The following LRIG2 variants were observed in gnomAD, a reference collection of about 807,000 sequenced individuals.
LRIG2 encodes leucine-rich repeats and immunoglobulin-like domains protein 2.
In LRIG2, 93 loss-of-function variants were observed where a neutral mutation model predicts 107.8. That is an observed-to-expected ratio of 0.86 (90% confidence interval 0.73 to 1.03). The LOEUF (loss-of-function observed/expected upper bound fraction) is 1.03, where lower values mean the gene tolerates loss of function less well. LRIG2 is among the 50% of genes least tolerant of loss of function. The pLI is 0.00. For synonymous variants in LRIG2, 471 were observed against 470.6 expected (o/e 1.00, Z -0.01); for missense variants, 1,226 against 1,296.0 (o/e 0.95, Z 0.83).
chr1:113,122,651 G>A (rs1655313939), intron 17 of LRIG2, among the ~76,000 whole-genome samples: 2 of 152,280 alleles, frequency 1.3e-5, no homozygotes, highest in Non-Finnish European at 2.9e-5. Context: ...CAGCAAATGA[G>A]AGTGCTTCGG....
At position 113,091,338 on chromosome 1, in the gene LRIG2, T is replaced by A; in HGVS notation, c.260T>A (p.Leu87Ter). The A allele has an allele frequency of 6.2e-7, 1 of 1,606,636 alleles. No homozygotes were observed. The highest frequency in any genetic ancestry group is 8.5e-7 in the Non-Finnish European group (1 of 1,175,388). The change falls in exon 2 of 18, where the codon TTG becomes TAG. Residue 87 changes from leucine (L) to a stop codon, truncating the protein, a stop_gained. Transcript: ENST00000361127. LOFTEE classifies it high-confidence loss of function. ...TTCAGGGATTTCAGTCATAATCGGT[T>A]GTCTAACTGGAACATCAGCTTGGAA... ...TAILDFSHNR[L>*]SNWNISLESQ...
intron 1 of LRIG2, among the ~76,000 whole-genome samples, chr1:113,077,328 GA>G (rs1404838123): frequency 1.3e-5 from 2 of 152,144 alleles, no homozygotes; most frequent in African/African-American, 4.8e-5. Flanking sequence ...TTTTAGTAGA[GA>G]AGGGGTTTTG....
Position 113,124,392 on chromosome 1 carries a change from C to A in LRIG2, c.*291C>A. On this transcript the variant is annotated 3_prime_UTR_variant, in exon 18 of 18. Transcript: ENST00000361127. The stretch of plus-strand genomic sequence containing the variant: ...CATGGGGATGTGCCCTGGTGTGCAT[C>A]TGCTTGTCAGGAAGAGTCACATTGC... The A allele has an allele frequency of 4.5e-6, 2 of 445,266 alleles. No individual in the cohort carries two copies. Among genetic ancestry groups the A allele is most frequent in the Non-Finnish European group, 4.1e-6 (1 of 242,720 alleles). 27.6% of individuals were successfully genotyped at this position (445,266 alleles called of 1,614,324 possible).
At position 113,094,718 on chromosome 1, in the gene LRIG2, G is replaced by A. The variant is rs1449663224; in HGVS notation, c.766G>A (p.Asp256Asn). The change falls in exon 6 of 18, where the codon GAT becomes AAT. Residue 256 changes from aspartate to asparagine, a missense_variant. Physicochemically the swap from Asp to Asn is conservative, Grantham distance 23. Coordinates refer to ENST00000361127, the MANE Select transcript of LRIG2 (RefSeq NM_014813.3). Reference protein sequence around the residue: ...MQRNGISKLKDGAFFGLNNME... With the variant: ...MQRNGISKLKNGAFFGLNNME... ...GCGGAATGGAATTAGCAAACTTAAGGATGGAGCATTTTTTGGCTTGAATAA... is the reference window on the plus strand; with the variant it reads ...GCGGAATGGAATTAGCAAACTTAAGAATGGAGCATTTTTTGGCTTGAATAA... The A allele has an allele frequency of 6.2e-7, 1 of 1,613,936 alleles. No individual in the cohort carries two copies. Among genetic ancestry groups the A allele is most frequent in the Admixed American group, 1.7e-5 (1 of 60,016 alleles).
intron 2 of LRIG2, among the ~76,000 whole-genome samples, chr1:113,092,955 C>T (rs1034805677): frequency 6.6e-6 from 1 of 151,192 alleles, no homozygotes; most frequent in Non-Finnish European, 1.5e-5. Context: ...CACCATTGCA[C>T]TCCAGCCTGG....
chr1:113,111,305 G>A (rs570748666), intron 13 of LRIG2, among the ~76,000 whole-genome samples: 55 of 152,302 alleles, frequency 3.6e-4, no homozygotes, highest in African/African-American at 1.3e-3. Flanking sequence ...CAAAGTATTC[G>A]GATTACAGGC....
At chr1:113,082,140 A>G (rs941694728) in intron 1 of LRIG2, among the ~76,000 whole-genome samples, 2 of 152,226 alleles carry the variant, frequency 1.3e-5, no homozygotes, top group Non-Finnish European at 2.9e-5. Flanking sequence ...TTCAAAGCAT[A>G]TACGATGCTT....
At chr1:113,112,356 C>A in intron 13 of LRIG2, 123 bp from the exon 14 acceptor site, 2 of 857,264 alleles carry the variant, frequency 2.3e-6, no homozygotes, top group South Asian at 1.8e-5. Flanking sequence ...GAGAGCCTGT[C>A]TTCACAAAGA....
At chr1:113,119,855 G>C (rs1473992801) in intron 17 of LRIG2, among the ~76,000 whole-genome samples, 1 of 152,096 alleles carries the variant, frequency 6.6e-6, no homozygotes, top group East Asian at 1.9e-4. Context: ...TGTCATCCAG[G>C]TTGGAATGTA....
chr1:113,094,302 T>C (rs1216802), intron 4 of LRIG2, 37 bp from the exon 5 acceptor site: 1,470,104 of 1,529,664 alleles, frequency 0.96, 712,525 homozygotes, highest in South Asian at 0.98. Flanking sequence ...TTTATTTTAC[T>C]AAATTTTTTC....
chr1:113,119,121 A>T, intron 16 of LRIG2, 112 bp from the exon 17 acceptor site: 1 of 923,578 alleles, frequency 1.1e-6, no homozygotes, highest in Non-Finnish European at 1.7e-6. Flanking sequence ...TTTATAAAGT[A>T]AGTGCTCAAT....
chr1:113,079,145 G>C (rs1653133462), intron 1 of LRIG2, among the ~76,000 whole-genome samples: 1 of 151,778 alleles, frequency 6.6e-6, no homozygotes, highest in Admixed American at 6.6e-5. Context: ...AGGAGTTCAA[G>C]ATTAGGCTGG....
At chr1:113,073,978 G>A (rs1160717853) in intron 1 of LRIG2, among the ~76,000 whole-genome samples, 1 of 116,324 alleles carries the variant, frequency 8.6e-6, no homozygotes, top group Non-Finnish European at 1.7e-5. Flanking sequence ...TGGATGGTTG[G>A]TGGGGCGGGG....
intron 1 of LRIG2, among the ~76,000 whole-genome samples, chr1:113,084,109 C>T (rs892036146): frequency 6.7e-6 from 1 of 150,342 alleles, no homozygotes; most frequent in South Asian, 2.1e-4. Context: ...CAATATTAAT[C>T]TTCCCTAGTG....
chr1:113,093,784 A>C (rs1321076411), intron 4 of LRIG2, among the ~76,000 whole-genome samples: 2 of 152,102 alleles, frequency 1.3e-5, no homozygotes, highest in African/African-American at 4.8e-5. Context: ...AATAATAAAT[A>C]AATAAAAATA....
chr1:113,073,350 C>CGATCCTCCTTT lies in LRIG2; in HGVS notation c.-56_-46dup. 1.4e-6 allele frequency: 2 copies of CGATCCTCCTTT among 1,423,144 alleles called. No homozygotes were observed. The highest frequency in any genetic ancestry group is 2.0e-6 in the Non-Finnish European group (2 of 1,016,396). The allele number at this position is 1,423,144 out of a possible 1,614,324, so 88.2% of individuals were successfully genotyped here. A position where few individuals can be genotyped will look rare whatever the true frequency, so the allele number is the denominator to read the frequency against. On this transcript the variant is annotated 5_prime_UTR_variant, in exon 1 of 18. An upstream open reading frame in the 5' UTR gains an earlier in-frame stop. Transcript: ENST00000361127. The stretch of plus-strand genomic sequence containing the variant: ...GAGCATCTCTGCTGAGCTTCTCCGC[C>CGATCCTCCTTT]GATCCTCCTTTTCTAGCAGGCAGCT...
chr1:113,100,068 A>G (rs1654240293), intron 9 of LRIG2, 143 bp from the exon 10 acceptor site: 2 of 479,484 alleles, frequency 4.2e-6, no homozygotes, highest in Non-Finnish European at 7.6e-6. Context: ...TGTAGTTTTT[A>G]GTATATCAAT....
chr1:113,129,736 A>G lies in LRIG2; in HGVS notation c.*5635A>G, dbSNP rs1655635779. 6.6e-6 allele frequency: 1 copy of G among 152,010 alleles called. No individual in the cohort carries two copies. Among genetic ancestry groups the G allele is most frequent in the African/African-American group, 2.4e-5 (1 of 41,386 alleles). 9.4% of individuals were successfully genotyped at this position (152,010 alleles called of 1,614,324 possible). Reference sequence around the variant, plus strand: ...CTTTCCCCACTGCCCCCTAATGACCACTTTCAGGAGGAATACATACATTCT... The same window carrying G: ...CTTTCCCCACTGCCCCCTAATGACCGCTTTCAGGAGGAATACATACATTCT... On this transcript the variant is annotated 3_prime_UTR_variant, in exon 18 of 18. Coordinates refer to ENST00000361127, the MANE Select transcript of LRIG2 (RefSeq NM_014813.3).
Position 113,100,211 on chromosome 1 carries a change from A to T in LRIG2, c.1173A>T (p.Leu391=). 6.4e-7 allele frequency: 1 copy of T among 1,553,234 alleles called. No individual in the cohort carries two copies. The highest frequency in any genetic ancestry group is 8.8e-7 in the Non-Finnish European group (1 of 1,135,722). The change falls in exon 10 of 18, where the codon CTA becomes CTT. Residue 391 remains leucine, a splice_region_variant and synonymous_variant. Transcript: ENST00000361127. ...TTAGAAAGATCTGTTTATATTTCAG[A>T]ATCTTACAAGGAAACCAGATTAAGT... The part of the protein sequence containing the change: ...AFAGLTSLTK[L]ILQGNQIKSI...
Sources: gnomAD v4.1 joint callset for allele counts (sites outside exome capture counted in the v4.1 genomes callset) on GRCh38, gnomAD v4.1.1 for gene constraint, MANE v1.5 for transcripts, NCBI Gene and HGNC (gene_info 2026-07-23, HGNC 2026-07-21) for gene names.